GRID1: variants seen among roughly 807,000 people sequenced by gnomAD.
The protein encoded by GRID1 is glutamate receptor ionotropic, delta-1.
A neutral mutation model predicts 98.0 loss-of-function variants in GRID1; 28 were observed. That is an observed-to-expected ratio of 0.29 (90% CI 0.21 to 0.39). The LOEUF is 0.39. Ranked by LOEUF, GRID1 falls within the 10% of genes least tolerant of loss-of-function variation. The pLI, the probability that GRID1 is intolerant of heterozygous loss-of-function variation, is 1.00. For missense variants in GRID1, 1,111 were observed against 1,340.5 expected (o/e 0.83, Z 2.67); for synonymous variants, 553 against 538.5 (o/e 1.03, Z -0.37).
intron 2 of GRID1, among the ~76,000 whole-genome samples, chr10:86,268,404 G>A (rs73334017): frequency 0.011 from 1,600 of 152,344 alleles, 31 homozygotes; most frequent in African/African-American, 0.037. Flanking sequence ...GAGGATGGCA[G>A]GGAGCATAGC....
intron 3 of GRID1, among the ~76,000 whole-genome samples, chr10:86,199,489 G>C (rs187163919): frequency 1.1e-3 from 166 of 152,276 alleles, no homozygotes; most frequent in African/African-American, 3.5e-3. Context: ...GCTGTGAACA[G>C]AGCTGTGGAC....
chr10:85,984,083 A>G (rs1260720722), intron 4 of GRID1, among the ~76,000 whole-genome samples: 1 of 150,966 alleles, frequency 6.6e-6, no homozygotes, highest in African/African-American at 2.4e-5. Flanking sequence ...CCTCCTCTCC[A>G]TCTCTCCTCC....
intron 3 of GRID1, among the ~76,000 whole-genome samples, chr10:86,158,821 A>AGATC (rs1845281476): frequency 6.6e-6 from 1 of 152,212 alleles, no homozygotes; most frequent in Non-Finnish European, 1.5e-5. Flanking sequence ...GAATCAACTG[A>AGATC]GATCGGCTGT....
intron 3 of GRID1, among the ~76,000 whole-genome samples, chr10:86,202,294 T>C (rs1233126158): frequency 2.6e-5 from 4 of 152,238 alleles, no homozygotes; most frequent in African/African-American, 7.2e-5. Context: ...ATACCTGGCA[T>C]GCGGTAGGGA....
intron 12 of GRID1, among the ~76,000 whole-genome samples, chr10:85,689,174 A>T (rs571575987): frequency 1.7e-4 from 26 of 152,240 alleles, no homozygotes; most frequent in Non-Finnish European, 2.9e-4. Flanking sequence ...TCACACCATC[A>T]TTCAAAAAAT....
At position 86,192,831 on chromosome 10, in the gene GRID1, G is replaced by A. The variant is rs1845824718; in HGVS notation, c.520+13533C>T. On this transcript the variant is annotated intron_variant, in intron 3 of 15. Transcript: ENST00000327946. This position sits in a 1 kb window ranked among gnomAD's most constrained non-coding sequence, Gnocchi z 4.8. The stretch of plus-strand genomic sequence containing the variant: ...ATGTGGTGATTCCACAGAACCACAG[G>A]GGTCTCCAGCAACAAAATCCTTAAA... 6.6e-6 allele frequency among the ~76,000 whole-genome samples: 1 copy of A among 151,976 alleles called. No individual in the cohort carries two copies.
intron 5 of GRID1, among the ~76,000 whole-genome samples, chr10:85,909,828 T>G (rs1296966528): frequency 6.6e-6 from 1 of 152,214 alleles, no homozygotes. Flanking sequence ...TCACTACCTC[T>G]ATTGTGGTTA....
rs377669679 is a variant in GRID1, at chr10:86,246,593, G to A, written c.236-39945C>T. ...TGCTGGCATTCCCTACCATTAACCC[G>A]GGCCTCCTCAAAGCCCCTGCCTCCT... On this transcript the variant is annotated intron_variant, in intron 2 of 15. Transcript: ENST00000327946. Among the ~76,000 whole-genome samples, 6 of 152,108 alleles carry A rather than the reference G, an allele frequency of 3.9e-5. No individual in the cohort carries two copies. In the East Asian group the frequency reaches 5.8e-4, roughly 15 times the overall value.
chr10:86,034,107 A>C (rs756512771), intron 4 of GRID1, among the ~76,000 whole-genome samples: 1 of 152,204 alleles, frequency 6.6e-6, no homozygotes, highest in African/African-American at 2.4e-5. Context: ...AGCTCCCGCT[A>C]TGTTGTTAAT....
chr10:86,071,349 C>T (rs1302622690), intron 4 of GRID1, among the ~76,000 whole-genome samples: 1 of 152,222 alleles, frequency 6.6e-6, no homozygotes, highest in Non-Finnish European at 1.5e-5. Context: ...GCTGGTAGCA[C>T]AATGACTTGC....
chr10:85,704,323 T>A (rs2132626776), intron 12 of GRID1, among the ~76,000 whole-genome samples: 1 of 152,238 alleles, frequency 6.6e-6, no homozygotes, highest in South Asian at 2.1e-4. Context: ...GCAATCCTAG[T>A]CTCTGATAAA....
chr10:85,873,610 CCTT>C (rs1325229135), intron 5 of GRID1, among the ~76,000 whole-genome samples: 1 of 152,186 alleles, frequency 6.6e-6, no homozygotes, highest in Non-Finnish European at 1.5e-5. Flanking sequence ...AAAGCTTACT[CCTT>C]CCTCCTCACA....
At chr10:85,707,364 A>C (rs1483801260) in intron 12 of GRID1, among the ~76,000 whole-genome samples, 1 of 152,208 alleles carries the variant, frequency 6.6e-6, no homozygotes, top group Non-Finnish European at 1.5e-5. Context: ...CACATGAAAA[A>C]ATGCTCATCA....
intron 4 of GRID1, among the ~76,000 whole-genome samples, chr10:86,111,305 G>A (rs1844478999): frequency 6.6e-6 from 1 of 152,198 alleles, no homozygotes; most frequent in Non-Finnish European, 1.5e-5. Context: ...CACCCACCAT[G>A]AGAACATAGC....
At chr10:86,294,171 A>G (rs2132077183) in intron 2 of GRID1, among the ~76,000 whole-genome samples, 2 of 152,240 alleles carry the variant, frequency 1.3e-5, no homozygotes, top group Middle Eastern at 6.8e-3. Flanking sequence ...GTCCTGGGGC[A>G]AGCTCTGGGG....
chr10:86,044,716 G>A (rs1843397262), intron 4 of GRID1, among the ~76,000 whole-genome samples: 1 of 152,218 alleles, frequency 6.6e-6, no homozygotes, highest in African/African-American at 2.4e-5. Context: ...CAACATGAGT[G>A]ATTTCCAGGC....
At chr10:85,822,730 C>T (rs1460750197) in intron 8 of GRID1, among the ~76,000 whole-genome samples, 2 of 152,134 alleles carry the variant, frequency 1.3e-5, no homozygotes, top group African/African-American at 2.4e-5. Flanking sequence ...TATAAAGACA[C>T]ATGCACACGT....
At chr10:85,894,462 C>CAGAGGTTG (rs553198030) in intron 5 of GRID1, among the ~76,000 whole-genome samples, 78 of 152,106 alleles carry the variant, frequency 5.1e-4, no homozygotes, top group African/African-American at 1.7e-3. Context: ...GAAAGGAGAT[C>CAGAGGTTG]AGAGGTTGTC....
At chr10:86,099,343 G>A (rs1844262556) in intron 4 of GRID1, among the ~76,000 whole-genome samples, 1 of 152,088 alleles carries the variant, frequency 6.6e-6, no homozygotes, top group Middle Eastern at 3.2e-3. Flanking sequence ...ATGCTGTTGG[G>A]GCCAAGCATC....
Sources: gnomAD v4.1 joint callset for allele counts (sites outside exome capture counted in the v4.1 genomes callset) on GRCh38, gnomAD v4.1.1 for gene constraint, Gnocchi (gnomAD v3.1) non-coding constraint, MANE v1.5 for transcripts, NCBI Gene and HGNC (gene_info 2026-07-23, HGNC 2026-07-21) for gene names.